ZC3H7B: variants seen among roughly 807,000 people sequenced by gnomAD.
ZC3H7B encodes zinc finger CCCH-type containing 7B, also known as zinc finger CCCH domain-containing protein 7B.
ZC3H7B carries 35 observed loss-of-function variants against 116.0 expected under a neutral mutation model. The ratio of observed to expected loss-of-function variants is 0.30; its 90% confidence interval spans 0.23 to 0.40. ZC3H7B has a LOEUF of 0.40. Among genes scored for constraint, ZC3H7B ranks in the 10% least tolerant of loss-of-function variants. ZC3H7B has a pLI of 1.00. For synonymous variants in ZC3H7B, 502 were observed against 545.6 expected, an observed-to-expected ratio of 0.92 and a Z score of 1.11; for missense variants, 1,011 against 1,321.5, an observed-to-expected ratio of 0.77 and a Z score of 3.64.
intron 6 of ZC3H7B, among the ~76,000 whole-genome samples, chr22:41,330,713 G>T (rs1055132510): frequency 3.9e-5 from 6 of 151,980 alleles, no homozygotes; most frequent in Non-Finnish European, 8.8e-5. Context: ...AGGCCAAGGC[G>T]GGCAGATCAC....
In ZC3H7B at chr22:41,325,775, C is replaced by G. The variant is rs139726421; in HGVS notation, c.142C>G (p.Arg48Gly). ...NLFAEGNDLF[R>G]EKDYKQALVQ... ...GTTTGCTGAGGGCAATGATCTGTTC[C>G]GGGAGAAGGACTATAAGCAGGCTCT... Residue 48 changes from arginine to glycine, a missense_variant, in exon 4 of 23, where the codon CGG (arginine) becomes GGG (glycine). By Grantham distance (125) the Arg-to-Gly change is moderately radical. This residue lies in a region of ZC3H7B where 322 missense variants were observed against 443.9 expected (regional missense o/e 0.73). Transcript: ENST00000352645. 2 of 1,613,778 alleles carry G rather than the reference C, an allele frequency of 1.2e-6. No individual in the cohort carries two copies. Among genetic ancestry groups the G allele is most frequent in the Non-Finnish European group, 1.7e-6 (2 of 1,179,990 alleles).
chr22:41,311,214 A>G (rs2036115243), intron 1 of ZC3H7B, among the ~76,000 whole-genome samples: 1 of 151,716 alleles, frequency 6.6e-6, no homozygotes, highest in Admixed American at 6.6e-5. Flanking sequence ...GAGGGGGTGC[A>G]TTGGAAACTT....
intron 2 of ZC3H7B, among the ~76,000 whole-genome samples, chr22:41,324,751 C>T (rs981600014): frequency 3.9e-5 from 6 of 152,144 alleles, no homozygotes; most frequent in African/African-American, 1.2e-4. Context: ...TGGGATTGGG[C>T]AGGGGAGGGG....
chr22:41,320,055 G>A (rs1380004830), intron 1 of ZC3H7B, among the ~76,000 whole-genome samples: 1 of 150,384 alleles, frequency 6.6e-6, no homozygotes, highest in Non-Finnish European at 1.5e-5. Flanking sequence ...ATGGGGGGCC[G>A]GGCATAGTGA....
At chr22:41,322,951 A>T (rs2036275848) in intron 2 of ZC3H7B, among the ~76,000 whole-genome samples, 1 of 151,914 alleles carries the variant, frequency 6.6e-6, no homozygotes, top group Non-Finnish European at 1.5e-5. Flanking sequence ...GCCTTTTCTC[A>T]CCCATGTCAC....
intron 6 of ZC3H7B, among the ~76,000 whole-genome samples, chr22:41,330,577 C>G (rs545393161): frequency 7.9e-4 from 121 of 152,282 alleles, no homozygotes; most frequent in African/African-American, 2.9e-3. Flanking sequence ...CTCTTTCCAC[C>G]TTGGTTTCCT....
intron 1 of ZC3H7B, among the ~76,000 whole-genome samples, chr22:41,303,616 A>G (rs2036002481): frequency 6.6e-6 from 1 of 152,230 alleles, no homozygotes; most frequent in Admixed American, 6.5e-5. Context: ...TCTAGATAAG[A>G]AACCTTAGGC....
chr22:41,348,886 A>G (rs2036622118), intron 15 of ZC3H7B, among the ~76,000 whole-genome samples: 1 of 152,142 alleles, frequency 6.6e-6, no homozygotes, highest in South Asian at 2.1e-4. Context: ...TGGCAGCTCC[A>G]TCTTTGAACC....
At position 41,338,147 on chromosome 22, in the gene ZC3H7B, C is replaced by T. The variant is rs146031977; in HGVS notation, c.583-166C>T. On this transcript the variant is annotated intron_variant, in intron 7 of 22. Coordinates refer to ENST00000352645, the MANE Select transcript of ZC3H7B (RefSeq NM_017590.6). This position sits in a 1 kb window ranked among gnomAD's most constrained non-coding sequence, Gnocchi z 4.5. Reference sequence around the variant, plus strand: ...CCTCCCCAAGTGCTGGGATTATAGGCATAAGCCACCACGCCTGGCCGCATG... The same window carrying T: ...CCTCCCCAAGTGCTGGGATTATAGGTATAAGCCACCACGCCTGGCCGCATG... Among the ~76,000 whole-genome samples, 2,840 of 152,216 alleles carry T rather than the reference C, an allele frequency of 0.019. 86 individuals carry two copies. Among genetic ancestry groups the T allele is most frequent in the African/African-American group, 0.065 (2,679 of 41,502 alleles).
rs1226049738 is a variant in ZC3H7B at position 41,320,730 on chromosome 22, CAG to C, written c.53+18_53+19del. 6.2e-7 allele frequency: 1 copy of C among 1,612,654 alleles called. No homozygotes were observed. On this transcript the variant is annotated intron_variant, in intron 2 of 22. Coordinates refer to ENST00000352645, the MANE Select transcript of ZC3H7B (RefSeq NM_017590.6). ...GTTCATTCAGTAAGCCTGCATGCGG[CAG>C]GGGCTGGACGGCTGGGTGGGCAAGG...
At chr22:41,350,965 A>G (rs1201584246) in intron 16 of ZC3H7B, among the ~76,000 whole-genome samples, 2 of 152,226 alleles carry the variant, frequency 1.3e-5, no homozygotes, top group Non-Finnish European at 2.9e-5. Flanking sequence ...AAAAGAGGGC[A>G]GGCTTCATGG....
rs1391212492 is a variant in ZC3H7B, at chr22:41,351,635, A to G, written c.2023A>G (p.Ser675Gly). ...GATGGAGGCGCATGCGGGGAAGGCC[A>G]GCAGCAGCATGGTAAGGCCTTCTGA... ...QQMEAHAGKA[S>G]SSMGAPRTHG... The change falls in exon 17 of 23, where the codon AGC (serine) becomes GGC (glycine). Residue 675 changes from serine (S) to glycine (G), a missense_variant. Physicochemically the swap from Ser to Gly is moderately conservative, Grantham distance 56 (BLOSUM62 0). Transcript: ENST00000352645. This position sits in a 1 kb window ranked among gnomAD's most constrained non-coding sequence, Gnocchi z 5.1. The G allele has an allele frequency of 6.2e-7, 1 of 1,613,560 alleles. No individual in the cohort carries two copies. The highest frequency in any genetic ancestry group is 8.5e-7 in the Non-Finnish European group (1 of 1,179,704).
Position 41,357,084 on chromosome 22 carries a change from T to A in ZC3H7B, c.2682-93T>A. 6.5e-7 allele frequency: 1 copy of A among 1,544,524 alleles called. No individual in the cohort carries two copies. Among genetic ancestry groups the A allele is most frequent in the Non-Finnish European group, 8.7e-7 (1 of 1,150,136 alleles). ...GGACCCAGCTGCCCAGGGAGAGGCT[T>A]GTCTTCGGGGAGGTCAAGCGGCCGG... On this transcript the variant is annotated intron_variant, in intron 22 of 22. Coordinates refer to ENST00000352645, the MANE Select transcript of ZC3H7B (RefSeq NM_017590.6). The surrounding 1 kb of genome is among the most constrained non-coding windows in gnomAD (Gnocchi z 5.4).
rs975729446 is a variant in ZC3H7B at position 41,327,646 on chromosome 22, G to A, written c.444+282G>A. On this transcript the variant is annotated intron_variant, in intron 5 of 22. Coordinates refer to ENST00000352645, the MANE Select transcript of ZC3H7B (RefSeq NM_017590.6). This position sits in a 1 kb window ranked among gnomAD's most constrained non-coding sequence, Gnocchi z 4.5. ...TCTCATTTTAAAGATGATGAGGCCA[G>A]ACACAGTGGCTCACGCCTGTAATCT... Among the ~76,000 whole-genome samples the A allele has an allele frequency of 6.6e-6, 1 of 152,276 alleles. No homozygotes were observed. Among genetic ancestry groups the A allele is most frequent in the East Asian group, 1.9e-4 (1 of 5,206 alleles).
intron 1 of ZC3H7B, among the ~76,000 whole-genome samples, chr22:41,319,649 T>G (rs2036229956): frequency 1.3e-5 from 2 of 152,184 alleles, no homozygotes; most frequent in East Asian, 1.9e-4. Flanking sequence ...TATCTTATTA[T>G]TTTTTCTTAA....
intron 1 of ZC3H7B, among the ~76,000 whole-genome samples, chr22:41,310,672 A>G (rs1189999481): frequency 6.6e-6 from 1 of 152,142 alleles, no homozygotes; most frequent in Non-Finnish European, 1.5e-5. Context: ...TTAATTTTAT[A>G]ATTTCCAAAT....
chr22:41,348,499 G>T (rs556050060), intron 15 of ZC3H7B, among the ~76,000 whole-genome samples: 2 of 152,174 alleles, frequency 1.3e-5, no homozygotes, highest in Non-Finnish European at 2.9e-5. Context: ...GACAGCAAGC[G>T]GGGGGCCTCG....
At position 41,345,934 on chromosome 22, in the gene ZC3H7B, G is replaced by C. The variant is rs578100421; in HGVS notation, c.1460-69G>C. On this transcript the variant is annotated intron_variant, in intron 13 of 22. Transcript: ENST00000352645. ...GGGCCAGAGCCCCACAGGCCGCAGCGGGGTGGCGAGGGTGCTGCGGGCTGC... is the reference window on the plus strand; with the variant it reads ...GGGCCAGAGCCCCACAGGCCGCAGCCGGGTGGCGAGGGTGCTGCGGGCTGC... 158 of 1,522,134 alleles carry C rather than the reference G, an allele frequency of 1.0e-4. No homozygotes were observed. In the African/African-American group the frequency reaches 1.8e-3, roughly 17 times the overall value. The allele number at this position is 1,522,134 out of a possible 1,614,324, so 94.3% of individuals were successfully genotyped here. A position where few individuals can be genotyped will look rare whatever the true frequency, so the allele number is the denominator to read the frequency against.
rs907501264 is a variant in ZC3H7B, at chr22:41,348,777, C to A, written c.1767-343C>A. ...GGGGCTGCAGTGAGGGTAATTAAGA[C>A]TCCTGGCCCAGAGGACATGCTTGGT... On this transcript the variant is annotated intron_variant, in intron 15 of 22. Transcript: ENST00000352645. 1.3e-5 allele frequency among the ~76,000 whole-genome samples: 2 copies of A among 152,242 alleles called. 1 individual carries two copies. The highest frequency in any genetic ancestry group is 4.8e-5 in the African/African-American group (2 of 41,446).
Sources: allele counts gnomAD v4.1 joint callset (sites outside exome capture counted in the v4.1 genomes callset), GRCh38; gene constraint gnomAD v4.1.1; regional missense constraint gnomAD v4.1.1; non-coding constraint Gnocchi (gnomAD v3.1); transcripts MANE v1.5; gene names NCBI Gene and HGNC (gene_info 2026-07-23, HGNC 2026-07-21).